NR1H3: variants seen among roughly 807,000 people sequenced by gnomAD.
NR1H3 encodes the protein nuclear receptor subfamily 1 group H member 3.
In NR1H3, 19 loss-of-function variants were observed where a neutral mutation model predicts 48.1. That is an observed-to-expected ratio of 0.40 (90% CI 0.28 to 0.58). The LOEUF (loss-of-function observed/expected upper bound fraction) is 0.58, where lower values mean the gene tolerates loss of function less well. Among genes scored for constraint, NR1H3 ranks in the 20% least tolerant of loss-of-function variants. The pLI is 0.50. For synonymous variants in NR1H3, 232 were observed against 227.3 expected (o/e 1.02, Z -0.19); for missense variants, 486 against 595.9 (o/e 0.82, Z 1.92).
intron 1 of NR1H3, among the ~76,000 whole-genome samples, chr11:47,251,820 A>G (rs1158235475): frequency 2.0e-5 from 3 of 152,140 alleles, no homozygotes; most frequent in Non-Finnish European, 4.4e-5. Context: ...CCACTTGCTC[A>G]AATATGTCTA....
intron 1 of NR1H3, among the ~76,000 whole-genome samples, chr11:47,249,239 G>A (rs1565170638): frequency 6.6e-6 from 1 of 152,088 alleles, no homozygotes; most frequent in Non-Finnish European, 1.5e-5. Flanking sequence ...CTGCCTTTGT[G>A]GGGAGATTGA....
chr11:47,255,523 C>T (rs1458062606), upstream of NR1H3, among the ~76,000 whole-genome samples: 1 of 135,838 alleles, frequency 7.4e-6, no homozygotes, highest in African/African-American at 2.5e-5. Flanking sequence ...TTGTGATAGA[C>T]TCTCTTTCTT....
At chr11:47,260,233 G>A (rs1405990653) in intron 3 of NR1H3, among the ~76,000 whole-genome samples, 176 bp from the exon 4 acceptor site, 1 of 152,226 alleles carries the variant, frequency 6.6e-6, no homozygotes, top group African/African-American at 2.4e-5. Context: ...GGCTCATACA[G>A]TACCTAGAAC....
At position 47,259,556 on chromosome 11, in the gene NR1H3, C is replaced by T. The variant is rs569445186; in HGVS notation, c.44-235C>T. The stretch of plus-strand genomic sequence containing the variant: ...ATCTGATCTCTGAAATGCATACACT[C>T]CAGCCCCCCAAAGGGACAAGGATTA... On this transcript the variant is annotated intron_variant, in intron 2 of 9. Coordinates refer to ENST00000441012, the MANE Select transcript of NR1H3 (RefSeq NM_005693.4). 11 of 1,472,778 alleles carry T rather than the reference C, an allele frequency of 7.5e-6. No homozygotes were observed. In the African/African-American group the frequency reaches 9.9e-5, roughly 13 times the overall value. The allele number at this position is 1,472,778 out of a possible 1,614,324, so 91.2% of individuals were successfully genotyped here.
At chr11:47,257,504 G>T, upstream of NR1H3, 1 of 255,014 alleles carries the variant, frequency 3.9e-6, no homozygotes, top group Non-Finnish European at 6.2e-6. Flanking sequence ...TACCAGCTTG[G>T]CTGAGGCCTG....
intron 2 of NR1H3, 191 bp downstream of exon 2, chr11:47,259,450 G>C (rs373539637): frequency 2.6e-6 from 4 of 1,552,056 alleles, no homozygotes; most frequent in Non-Finnish European, 2.6e-6. Context: ...GCAGGCACCC[G>C]CCCAGTCCTC....
At chr11:47,263,606 CTTT>C (rs563452264) in intron 7 of NR1H3, among the ~76,000 whole-genome samples, 1 of 132,386 alleles carries the variant, frequency 7.6e-6, no homozygotes. Context: ...TTTTTCTTTT[CTTT>C]TTTTTTTTTT....
At chr11:47,248,487 C>T (rs1346026885), upstream of NR1H3, 1 of 1,549,788 alleles carries the variant, frequency 6.5e-7, no homozygotes, top group African/African-American at 1.4e-5. Context: ...AGACTCACCC[C>T]GACGTATTCG....
rs959521890 is a variant in NR1H3, at chr11:47,268,762, A to G, written c.*66A>G. The G allele has an allele frequency of 1.0e-5, 16 of 1,568,710 alleles. No individual in the cohort carries two copies. The highest frequency in any genetic ancestry group is 1.4e-5 in the Non-Finnish European group (16 of 1,153,992). On this transcript the variant is annotated 3_prime_UTR_variant, in exon 10 of 10. Transcript: ENST00000441012. ...CTGAGGCCTGGTGGCTGCCTCCTAG[A>G]AGTGGAACAGACTGAGAAGGGCAAA...
At chr11:47,260,888 C>T (rs1955773045) in intron 4 of NR1H3, among the ~76,000 whole-genome samples, 1 of 152,068 alleles carries the variant, frequency 6.6e-6, no homozygotes, top group South Asian at 2.1e-4. Flanking sequence ...AGTCCGAGAC[C>T]AGCCTGGCCA....
chr11:47,252,055 C>CAA (rs1322906904), intron 1 of NR1H3, among the ~76,000 whole-genome samples: 3 of 63,394 alleles, frequency 4.7e-5, no homozygotes, highest in Non-Finnish European at 3.3e-5. Flanking sequence ...ACTACAGGTG[C>CAA]AAAAAAAAAA....
chr11:47,259,251 T>G lies in NR1H3; in HGVS notation c.35T>G (p.Ile12Ser). 1 of 1,614,146 alleles carries G rather than the reference T, an allele frequency of 6.2e-7. No individual in the cohort carries two copies. The highest frequency in any genetic ancestry group is 1.1e-5 in the South Asian group (1 of 91,080). The change falls in exon 2 of 10, where the codon ATT becomes AGT. Residue 12 changes from isoleucine (I) to serine (S), a missense_variant. Physicochemically the swap from Ile to Ser is moderately radical, Grantham distance 142. Coordinates refer to ENST00000441012, the MANE Select transcript of NR1H3 (RefSeq NM_005693.4). ...SLWLGAPVPD[I>S]PPDSAVELWK... Reference sequence around the variant, plus strand: ...TGGCTGGGGGCCCCTGTGCCTGACATTCCTCCTGGTAAGCTTCATTCCATC... The same window carrying G: ...TGGCTGGGGGCCCCTGTGCCTGACAGTCCTCCTGGTAAGCTTCATTCCATC...
At chr11:47,250,479 AT>A (rs1455215938) in intron 1 of NR1H3, 3 of 152,212 alleles carry the variant, frequency 2.0e-5, no homozygotes, top group African/African-American at 7.2e-5. Flanking sequence ...TCCAGATTCA[AT>A]TATTTATATA....
At chr11:47,248,819 T>C, upstream of NR1H3, 1 of 1,561,324 alleles carries the variant, frequency 6.4e-7, no homozygotes, top group Non-Finnish European at 8.7e-7. Context: ...GCAAACAAGC[T>C]GGAACCCGCT....
Position 47,268,850 on chromosome 11 carries a change from A to T in NR1H3, c.*154A>T, listed in dbSNP as rs1205911386. On this transcript the variant is annotated 3_prime_UTR_variant, in exon 10 of 10. Coordinates refer to ENST00000441012, the MANE Select transcript of NR1H3 (RefSeq NM_005693.4). The stretch of plus-strand genomic sequence containing the variant: ...ATTAAAAGAGAGTCAAAGGGTTGCG[A>T]GTTTTGTGGCTACTGAGCAGTGGAG... The T allele has an allele frequency of 2.1e-6, 2 of 933,156 alleles. No homozygotes were observed. The highest frequency in any genetic ancestry group is 3.2e-6 in the Non-Finnish European group (2 of 633,414). The allele number at this position is 933,156 out of a possible 1,614,324, so 57.8% of individuals were successfully genotyped here.
At chr11:47,248,329 G>C, upstream of NR1H3, 1 of 1,096,430 alleles carries the variant, frequency 9.1e-7, no homozygotes. Context: ...AATGCTACTG[G>C]AGACCATAGG....
chr11:47,263,606 C>CTTTT (rs563452264), intron 7 of NR1H3, among the ~76,000 whole-genome samples: 5 of 132,384 alleles, frequency 3.8e-5, no homozygotes, highest in Non-Finnish European at 8.1e-5. Flanking sequence ...TTTTTCTTTT[C>CTTTT]TTTTTTTTTT....
At position 47,260,473 on chromosome 11, in the gene NR1H3, C is replaced by T. The variant is rs2279238; in HGVS notation, c.297C>T (p.Ser99=). The change falls in exon 4 of 10, where the codon AGC becomes AGT. Residue 99 remains serine (S), a synonymous_variant. Coordinates refer to ENST00000441012, the MANE Select transcript of NR1H3 (RefSeq NM_005693.4). ...APKMLGNELC[S]VCGDKASGFH... is the part of the protein sequence containing the mutation. ...AAATGCTGGGGAACGAGCTATGCAG[C>T]GTGTGTGGGGACAAGGCCTCGGGCT... 0.2 allele frequency: 316,053 copies of T among 1,614,010 alleles called. 40,082 individuals are homozygous for T. The highest frequency in any genetic ancestry group is 0.65 in the East Asian group (29,225 of 44,846).
upstream of NR1H3, chr11:47,257,839 C>A (rs1478003230): frequency 2.1e-6 from 2 of 960,336 alleles, no homozygotes; most frequent in Non-Finnish European, 2.5e-6. Context: ...AGGGGGTGGC[C>A]GGCTGGGGAG....
Sources: allele counts gnomAD v4.1 joint callset (sites outside exome capture counted in the v4.1 genomes callset), GRCh38; gene constraint gnomAD v4.1.1; transcripts MANE v1.5; gene names NCBI Gene and HGNC (gene_info 2026-07-23, HGNC 2026-07-21).